SCAPER: variants seen among roughly 807,000 people sequenced by gnomAD.
SCAPER encodes S phase cyclin A-associated protein in the endoplasmic reticulum.
SCAPER carries 98 observed loss-of-function variants against 182.2 expected under a neutral mutation model. The ratio of observed to expected loss-of-function variants is 0.54; its 90% CI spans 0.46 to 0.64. SCAPER has a LOEUF of 0.64. SCAPER is among the 30% of genes least tolerant of loss of function. The probability of loss-of-function intolerance (pLI) is 0.00; values close to 1 mark genes in which losing one functional copy is unlikely to be tolerated. For missense variants in SCAPER, 1,432 were observed against 1,690.0 expected (o/e 0.85, Z 2.68); for synonymous variants, 605 against 564.6 (o/e 1.07, Z -1.01).
chr15:76,402,650 G>C (rs1286447159), intron 27 of SCAPER, among the ~76,000 whole-genome samples: 1 of 152,022 alleles, frequency 6.6e-6, no homozygotes, highest in Admixed American at 6.6e-5. Flanking sequence ...ACCTAACTTG[G>C]TGTTTGGCAC....
In SCAPER at chr15:76,728,559, A is replaced by G. The variant is rs80010060; in HGVS notation, c.2165+36T>C. 2,371 of 1,610,666 alleles carry G rather than the reference A, an allele frequency of 1.5e-3. 31 individuals are homozygous for G. The African/African-American group carries it at 0.028, about 19-fold the overall frequency. On this transcript the variant is annotated intron_variant, in intron 17 of 31. Coordinates refer to ENST00000563290, the MANE Select transcript of SCAPER (RefSeq NM_020843.4). Reference sequence around the variant, plus strand: ...AAGACCTCAACTTGAATATTCACTCAGTGCAAAATGTTCATCAAGATAGCA... The same window carrying G: ...AAGACCTCAACTTGAATATTCACTCGGTGCAAAATGTTCATCAAGATAGCA...
chr15:76,833,496 T>C (rs1469369695), intron 5 of SCAPER, among the ~76,000 whole-genome samples: 1 of 152,092 alleles, frequency 6.6e-6, no homozygotes, highest in Non-Finnish European at 1.5e-5. Flanking sequence ...GATAATAGGA[T>C]TAATGCATCA....
At position 76,764,974 on chromosome 15, in the gene SCAPER, T is replaced by C; in HGVS notation, c.1712A>G (p.Lys571Arg). Residue 571 changes from lysine (K) to arginine (R), a missense_variant, in exon 14 of 32, where the codon AAA (lysine) becomes AGA (arginine). Physicochemically the swap from Lys to Arg is conservative, Grantham distance 26 (BLOSUM62 2). Transcript: ENST00000563290. ...LREEKTLKLQ[K>R]LLEREKDVRK... ...ATAAAAACTCACCCTTTCTAACAATTTCTGAAGCTTCAATGTTTTCTCTTC... is the reference window on the plus strand; with the variant it reads ...ATAAAAACTCACCCTTTCTAACAATCTCTGAAGCTTCAATGTTTTCTCTTC... The C allele has an allele frequency of 6.3e-7, 1 of 1,588,902 alleles. No individual in the cohort carries two copies. The highest frequency in any genetic ancestry group is 8.6e-7 in the Non-Finnish European group (1 of 1,167,966).
chr15:76,688,843 CTTT>C (rs71143353), intron 20 of SCAPER, among the ~76,000 whole-genome samples: 1 of 92,394 alleles, frequency 1.1e-5, no homozygotes, highest in African/African-American at 3.9e-5. Context: ...AAATGCCTCT[CTTT>C]TTTTTTTTTT....
intron 5 of SCAPER, among the ~76,000 whole-genome samples, chr15:76,815,482 A>T (rs1403148677): frequency 6.6e-6 from 1 of 152,112 alleles, no homozygotes; most frequent in African/African-American, 2.4e-5. Context: ...AGGCAATTTC[A>T]TCATTGTGCG....
chr15:76,554,471 G>A (rs1233742633), intron 23 of SCAPER, among the ~76,000 whole-genome samples: 1 of 152,076 alleles, frequency 6.6e-6, no homozygotes, highest in Non-Finnish European at 1.5e-5. Flanking sequence ...TAAAATTCAG[G>A]AAATGCTGAG....
At chr15:76,464,007 CTT>C (rs10630336) in intron 25 of SCAPER, among the ~76,000 whole-genome samples, 34 of 120,356 alleles carry the variant, frequency 2.8e-4, no homozygotes, top group Admixed American at 8.0e-4. Context: ...TTTCACTGGT[CTT>C]TTTTTTTTTT....
intron 21 of SCAPER, among the ~76,000 whole-genome samples, chr15:76,662,732 T>G (rs2056292688): frequency 6.6e-6 from 1 of 152,112 alleles, no homozygotes; most frequent in Non-Finnish European, 1.5e-5. Context: ...AAAAATCTTT[T>G]CAAAAATGGT....
At position 76,775,823 on chromosome 15, in the gene SCAPER, T is replaced by TA. The variant is rs569356641; in HGVS notation, c.773-707dup. Among the ~76,000 whole-genome samples, 293 of 152,088 alleles carry TA rather than the reference T, an allele frequency of 1.9e-3. 1 individual carries two copies. Among genetic ancestry groups the TA allele is most frequent in the African/African-American group, 6.3e-3 (263 of 41,494 alleles). On this transcript the variant is annotated intron_variant, in intron 8 of 31. Coordinates refer to ENST00000563290, the MANE Select transcript of SCAPER (RefSeq NM_020843.4). ...CGTTCAAAGCCACACCAAAATAGCCTAAAAAAAATCACAAAAAATAGCCTA... is the reference window on the plus strand; with the variant it reads ...CGTTCAAAGCCACACCAAAATAGCCTAAAAAAAAATCACAAAAAATAGCCTA...
intron 17 of SCAPER, among the ~76,000 whole-genome samples, chr15:76,713,734 C>G (rs569070176): frequency 6.6e-6 from 1 of 152,036 alleles, no homozygotes; most frequent in East Asian, 1.9e-4. Flanking sequence ...ACATATGTAA[C>G]TAACCTGCAC....
Position 76,600,432 on chromosome 15 carries a change from T to C in SCAPER, c.2711+21332A>G, listed in dbSNP as rs1172215434. On this transcript the variant is annotated intron_variant, in intron 22 of 31. Transcript: ENST00000563290. The stretch of plus-strand genomic sequence containing the variant: ...GTGTGTGTGTGTGTGTGTGTGTGTA[T>C]ACATATACATATATATATATATTTT... Among the ~76,000 whole-genome samples, 5 of 81,290 alleles carry C rather than the reference T, an allele frequency of 6.2e-5. 1 individual carries two copies. Among genetic ancestry groups the C allele is most frequent in the Non-Finnish European group, 1.5e-4 (5 of 34,150 alleles). 53.3% of individuals were successfully genotyped at this position (81,290 alleles called of 152,430 possible).
At chr15:76,833,182 G>A (rs137886254) in intron 5 of SCAPER, among the ~76,000 whole-genome samples, 1 of 152,170 alleles carries the variant, frequency 6.6e-6, no homozygotes, top group African/African-American at 2.4e-5. Flanking sequence ...AGACCTTTCA[G>A]CAGAAACCCT....
At chr15:76,701,935 T>G in intron 19 of SCAPER, 70 bp from the exon 20 acceptor site, 2 of 1,059,892 alleles carry the variant, frequency 1.9e-6, no homozygotes, top group Non-Finnish European at 2.9e-6. Context: ...ACACATTCAG[T>G]CCAGTATATG....
At chr15:76,699,385 T>C (rs921889877) in intron 20 of SCAPER, among the ~76,000 whole-genome samples, 3 of 152,194 alleles carry the variant, frequency 2.0e-5, no homozygotes, top group African/African-American at 7.2e-5. Context: ...TCCACTATGA[T>C]GTTGGCTGTG....
intron 27 of SCAPER, 76 bp from the exon 28 acceptor site, chr15:76,381,691 A>C (rs2042952351): frequency 5.1e-6 from 6 of 1,170,428 alleles, no homozygotes; most frequent in Non-Finnish European, 7.3e-6. Flanking sequence ...TAAATGAAAC[A>C]AGACAAGCAG....
chr15:76,852,752 T>C (rs988462138), intron 4 of SCAPER, among the ~76,000 whole-genome samples: 5 of 152,112 alleles, frequency 3.3e-5, no homozygotes, highest in Non-Finnish European at 7.4e-5. Flanking sequence ...AGATCTCAAA[T>C]TAACAATCTA....
At chr15:76,853,230 G>A (rs1206522485) in intron 4 of SCAPER, among the ~76,000 whole-genome samples, 1 of 152,116 alleles carries the variant, frequency 6.6e-6, no homozygotes, top group East Asian at 1.9e-4. Flanking sequence ...AGGATTCACA[G>A]CCAAATTCTA....
At chr15:76,446,189 G>C (rs1417868302) in intron 25 of SCAPER, among the ~76,000 whole-genome samples, 3 of 152,040 alleles carry the variant, frequency 2.0e-5, no homozygotes, top group African/African-American at 4.8e-5. Context: ...ATCACATCAG[G>C]GTCAGGATTT....
chr15:76,728,620 CA>C lies in SCAPER; in HGVS notation c.2139del (p.Glu714ArgfsTer58). 6.2e-7 allele frequency: 1 copy of C among 1,613,648 alleles called. No individual in the cohort carries two copies. Among genetic ancestry groups the C allele is most frequent in the Non-Finnish European group, 8.5e-7 (1 of 1,179,646 alleles). On this transcript the variant is annotated frameshift_variant, in exon 17 of 32. Transcript: ENST00000563290. LOFTEE classifies it high-confidence loss of function. ...EQQRQEKEKA[R>X]EDAARERARD... ...CTAGCTCTTTCCCGGGCTGCATCCT[CA>C]CGGGCTTTTTCCTTTTCTTGCCTCT...
Sources: allele counts gnomAD v4.1 joint callset (sites outside exome capture counted in the v4.1 genomes callset), GRCh38; gene constraint gnomAD v4.1.1; transcripts MANE v1.5; gene names NCBI Gene and HGNC (gene_info 2026-07-23, HGNC 2026-07-21).